The following ADGRV1 variants were observed in gnomAD, a reference collection of about 807,000 sequenced individuals.
ADGRV1 encodes the protein G-protein coupled receptor 98.
Under a neutral mutation model 596.2 loss-of-function variants are expected in ADGRV1, and 359 were observed. That is an observed-to-expected ratio of 0.60 (90% CI 0.55 to 0.66). The LOEUF is 0.66. Among genes scored for constraint, ADGRV1 ranks in the 30% least tolerant of loss-of-function variants. The probability of loss-of-function intolerance (pLI) is 0.00; values close to 1 mark genes in which losing one functional copy is unlikely to be tolerated. For synonymous variants in ADGRV1, 2,681 were observed against 2,679.2 expected, an observed-to-expected ratio of 1.00 and a Z score of -0.02; for missense variants, 7,274 against 7,575.6, an observed-to-expected ratio of 0.96 and a Z score of 1.48.
In ADGRV1 at chr5:90,810,766, T is replaced by G; in HGVS notation, c.15506T>G (p.Ile5169Ser). ...CTCAGCACAAGCAAGACGACTACCA[T>G]TCTGCAGCCAACCAACGTGGTTGCC... ...TYLSTSKTTT[I>S]LQPTNVVAIV... The change falls in exon 74 of 90, where the codon ATT becomes AGT. Residue 5169 changes from isoleucine (I) to serine (S), a missense_variant. Around this residue, in one of 5 missense-constraint regions of ADGRV1, gnomAD observed 1,874 missense variants for 1,970.2 expected, o/e 0.95. Transcript: ENST00000405460. 1.2e-6 allele frequency: 2 copies of G among 1,613,978 alleles called. No individual in the cohort carries two copies. The highest frequency in any genetic ancestry group is 1.7e-6 in the Non-Finnish European group (2 of 1,179,880).
At chr5:90,988,570 T>C (rs1367795037) in intron 85 of ADGRV1, among the ~76,000 whole-genome samples, 2 of 152,190 alleles carry the variant, frequency 1.3e-5, no homozygotes, top group East Asian at 3.8e-4. Flanking sequence ...AAAACACTTT[T>C]CTGAGCTCCA....
In ADGRV1 at chr5:90,708,863, C is replaced by T. The variant is rs375310575; in HGVS notation, c.8778C>T (p.Tyr2926=). 34 of 1,612,316 alleles carry T rather than the reference C, an allele frequency of 2.1e-5. No homozygotes were observed. The highest frequency in any genetic ancestry group is 4.0e-5 in the African/African-American group (3 of 74,864). ...LEEYFLVNLT[Y]VGLTMAASTS... The stretch of plus-strand genomic sequence containing the variant: ...AATATTTCCTGGTGAATTTAACTTA[C>T]GTTGGACTTACCATGGCTGCTTCAA... The change falls in exon 39 of 90, where the codon TAC becomes TAT. Residue 2926 remains tyrosine (Y), a synonymous_variant. Coordinates refer to ENST00000405460, the MANE Select transcript of ADGRV1 (RefSeq NM_032119.4).
intron 85 of ADGRV1, among the ~76,000 whole-genome samples, chr5:90,989,216 A>G (rs987607515): frequency 6.6e-5 from 10 of 152,138 alleles, no homozygotes; most frequent in Non-Finnish European, 8.8e-5. Flanking sequence ...GAATCATCAC[A>G]CTGACTTCCA....
intron 85 of ADGRV1, among the ~76,000 whole-genome samples, chr5:91,053,193 T>A (rs899795650): frequency 6.6e-6 from 1 of 152,196 alleles, no homozygotes; most frequent in East Asian, 1.9e-4. Context: ...AATCCTTATA[T>A]TACAGCTCTC....
intron 57 of ADGRV1, among the ~76,000 whole-genome samples, chr5:90,758,982 A>C (rs1756144940): frequency 6.6e-6 from 1 of 152,206 alleles, no homozygotes; most frequent in Non-Finnish European, 1.5e-5. Flanking sequence ...ATATCATGTA[A>C]TATTAATACC....
At chr5:90,618,007 T>C (rs1451931403) in intron 3 of ADGRV1, 54 bp downstream of exon 3, 9 of 1,374,978 alleles carry the variant, frequency 6.5e-6, no homozygotes, top group Admixed American at 2.6e-5. Flanking sequence ...ATAAAACTTA[T>C]AAAAATCTTT....
chr5:91,080,747 A>G (rs1789283741), intron 86 of ADGRV1, among the ~76,000 whole-genome samples: 1 of 152,172 alleles, frequency 6.6e-6, no homozygotes, highest in South Asian at 2.1e-4. Context: ...ATGCAGGTGT[A>G]ATAACACTAT....
At chr5:90,777,763 A>G in intron 61 of ADGRV1, 142 bp from the exon 62 acceptor site, 1 of 711,246 alleles carries the variant, frequency 1.4e-6, no homozygotes, top group South Asian at 2.5e-5. Flanking sequence ...CCTTTGGTTT[A>G]TAGTTTGGTA....
At chr5:91,153,441 G>A in intron 89 of ADGRV1, 43 bp downstream of exon 89, 1 of 1,375,572 alleles carries the variant, frequency 7.3e-7, no homozygotes, top group Non-Finnish European at 9.9e-7. Flanking sequence ...AGGCACTCTT[G>A]CTATGTTACA....
chr5:90,794,460 G>A (rs932885344), intron 70 of ADGRV1, among the ~76,000 whole-genome samples: 18 of 152,148 alleles, frequency 1.2e-4, no homozygotes, highest in Admixed American at 1.1e-3. Context: ...TTGTGGCTGG[G>A]TCATTTATTG....
At chr5:90,891,196 T>G (rs1770788080) in intron 83 of ADGRV1, among the ~76,000 whole-genome samples, 1 of 148,228 alleles carries the variant, frequency 6.7e-6, no homozygotes, top group South Asian at 2.1e-4. Context: ...TATTTATATA[T>G]ATTATATAAA....
chr5:90,980,938 G>GA (rs1780028350), intron 84 of ADGRV1, among the ~76,000 whole-genome samples: 1 of 152,170 alleles, frequency 6.6e-6, no homozygotes, highest in South Asian at 2.1e-4. Flanking sequence ...ACATTGATGA[G>GA]AAAATAAATA....
At chr5:90,778,133 T>TTC (rs1758445426) in intron 62 of ADGRV1, 90 bp downstream of exon 62, 1 of 1,399,618 alleles carries the variant, frequency 7.1e-7, no homozygotes, top group African/African-American at 1.5e-5. Flanking sequence ...GTGGGTGTGT[T>TTC]TGTGTGTGTG....
chr5:90,998,742 A>G (rs1234528868), intron 85 of ADGRV1, among the ~76,000 whole-genome samples: 1 of 152,182 alleles, frequency 6.6e-6, no homozygotes, highest in Non-Finnish European at 1.5e-5. Flanking sequence ...TTTACACTAA[A>G]GCAACAAATA....
intron 84 of ADGRV1, among the ~76,000 whole-genome samples, chr5:90,978,342 C>A (rs1159385550): frequency 1.3e-5 from 2 of 150,476 alleles, no homozygotes; most frequent in Admixed American, 6.6e-5. Context: ...CATTCTTCCC[C>A]TCTTAAACTA....
At chr5:90,891,954 T>C (rs536788280) in intron 83 of ADGRV1, among the ~76,000 whole-genome samples, 2 of 152,130 alleles carry the variant, frequency 1.3e-5, no homozygotes, top group East Asian at 3.9e-4. Flanking sequence ...TTCTTTAGTC[T>C]CTATTGAAAA....
intron 1 of ADGRV1, among the ~76,000 whole-genome samples, chr5:90,588,614 T>C (rs1052061739): frequency 3.9e-5 from 6 of 152,188 alleles, no homozygotes; most frequent in African/African-American, 1.4e-4. Context: ...CAGAGGGGCT[T>C]CTAGTGAGGT....
chr5:90,755,184 C>T lies in ADGRV1; in HGVS notation c.11579C>T (p.Pro3860Leu), dbSNP rs759908554. The change falls in exon 55 of 90, where the codon CCG becomes CTG. Residue 3860 changes from proline (P) to leucine (L), a missense_variant and splice_region_variant. Pro to Leu is a moderately conservative substitution (Grantham distance 98, BLOSUM62 -3). Transcript: ENST00000405460. Reference sequence around the variant, plus strand: ...GCTCATGCCGAAGTTTCCATTTTGCCGGTAAGTCAAGGCTGCAAAGAATGT... The same window carrying T: ...GCTCATGCCGAAGTTTCCATTTTGCTGGTAAGTCAAGGCTGCAAAGAATGT... ...KEAHAEVSIL[P>L]DDLPELEEGF... 71 of 1,593,514 alleles carry T rather than the reference C, an allele frequency of 4.5e-5. No individual in the cohort carries two copies. The Admixed American group carries it at 8.6e-4, about 19-fold the overall frequency.
At position 90,564,627 on chromosome 5, in the gene ADGRV1, T is replaced by A. The variant is rs201506189; in HGVS notation, c.22+5710T>A. On this transcript the variant is annotated intron_variant, in intron 1 of 89. Coordinates refer to ENST00000405460, the MANE Select transcript of ADGRV1 (RefSeq NM_032119.4). ...CATGGCGTTTAATATATATATATAT[T>A]TTTTTTTTTTTTTTTTTGAGACGGA... Among the ~76,000 whole-genome samples the A allele has an allele frequency of 9.1e-3, 485 of 53,554 alleles. 68 individuals carry two copies. The highest frequency in any genetic ancestry group is 0.047 in the South Asian group (74 of 1,576). 35.1% of individuals were successfully genotyped at this position (53,554 alleles called of 152,430 possible).
Sources: gnomAD v4.1 joint callset for allele counts (sites outside exome capture counted in the v4.1 genomes callset) on GRCh38, gnomAD v4.1.1 for gene constraint, gnomAD v4.1.1 regional missense constraint, MANE v1.5 for transcripts, NCBI Gene and HGNC (gene_info 2026-07-23, HGNC 2026-07-21) for gene names.